Variants in AGBL1 observed in about 807,000 individuals in gnomAD.
The protein encoded by AGBL1 is AGBL carboxypeptidase 1, also known as cytosolic carboxypeptidase 4.
Under a neutral mutation model 118.9 loss-of-function variants are expected in AGBL1, and 130 were observed. The observed-to-expected ratio is 1.09, with a 90% CI of 0.95 to 1.26. AGBL1 has a LOEUF of 1.26. Ranked by LOEUF, AGBL1 falls within the 50% of genes most tolerant of loss-of-function variation. AGBL1 has a pLI of 0.00. For synonymous variants in AGBL1, 555 were observed against 478.9 expected (o/e 1.16, Z -2.08); for missense variants, 1,584 against 1,298.1 (o/e 1.22, Z -3.38).
intron 18 of AGBL1, among the ~76,000 whole-genome samples, chr15:86,428,137 C>A (rs1261608981): frequency 6.6e-6 from 1 of 152,142 alleles, no homozygotes; most frequent in Non-Finnish European, 1.5e-5. Flanking sequence ...TAAATAAACT[C>A]ACTAAAAGGA....
chr15:86,220,885 A>G (rs1163133114), intron 5 of AGBL1, among the ~76,000 whole-genome samples: 1 of 152,124 alleles, frequency 6.6e-6, no homozygotes, highest in South Asian at 2.1e-4. Context: ...CTAAGAAAAC[A>G]GTGCCCTCCC....
intron 17 of AGBL1, among the ~76,000 whole-genome samples, chr15:86,342,703 T>C (rs2080479533): frequency 6.6e-6 from 1 of 152,154 alleles, no homozygotes; most frequent in African/African-American, 2.4e-5. Flanking sequence ...AAATGAAGCT[T>C]CTCGGAGCTT....
chr15:86,705,319 C>T lies in AGBL1; in HGVS notation c.3158+30883C>T, dbSNP rs117251078. 1.7e-3 allele frequency among the ~76,000 whole-genome samples: 265 copies of T among 152,170 alleles called. 3 individuals are homozygous for T. In the East Asian group the frequency reaches 0.022, roughly 13 times the overall value. ...AAACAAAACAAAACAAAACAAAAAC[C>T]CTCTTTTTTAAATAAATTACCCAGT... is the stretch of plus-strand genomic sequence containing the variant. On this transcript the variant is annotated intron_variant, in intron 22 of 22. Transcript: ENST00000614907.
intron 18 of AGBL1, among the ~76,000 whole-genome samples, chr15:86,426,283 A>G (rs954161923): frequency 2.6e-5 from 4 of 152,234 alleles, no homozygotes; most frequent in African/African-American, 4.8e-5. Flanking sequence ...TGTATGATGT[A>G]CAAAAGGATT....
intron 21 of AGBL1, among the ~76,000 whole-genome samples, chr15:86,653,510 C>A (rs568740004): frequency 1.3e-5 from 2 of 152,174 alleles, no homozygotes; most frequent in African/African-American, 2.4e-5. Context: ...TGATGAGCAG[C>A]GCACAATCTA....
chr15:86,294,265 C>T (rs984099800), intron 16 of AGBL1, among the ~76,000 whole-genome samples: 1 of 151,444 alleles, frequency 6.6e-6, no homozygotes, highest in African/African-American at 2.4e-5. Context: ...TGGGTGTGGT[C>T]GTGGGTGCCT....
chr15:86,480,174 A>G (rs983737680), intron 18 of AGBL1, among the ~76,000 whole-genome samples: 2 of 152,162 alleles, frequency 1.3e-5, no homozygotes, highest in African/African-American at 4.8e-5. Context: ...AACATGGCAC[A>G]TGTAACAAAC....
At chr15:86,918,370 G>A (rs922971742), downstream of AGBL1, among the ~76,000 whole-genome samples, 5 of 152,140 alleles carry the variant, frequency 3.3e-5, no homozygotes, top group African/African-American at 9.7e-5. Flanking sequence ...TCCCCATGGT[G>A]TAACACCTCG....
At chr15:86,853,738 G>T (rs2079439582) in intron 22 of AGBL1, among the ~76,000 whole-genome samples, 2 of 152,146 alleles carry the variant, frequency 1.3e-5, no homozygotes, top group South Asian at 2.1e-4. Flanking sequence ...TAAAACATTT[G>T]TCACTCTCAA....
intron 6 of AGBL1, among the ~76,000 whole-genome samples, chr15:86,231,405 T>C (rs1399810392): frequency 6.6e-6 from 1 of 152,240 alleles, no homozygotes; most frequent in Non-Finnish European, 1.5e-5. Flanking sequence ...CTGATGTCTC[T>C]TCTTCCACCA....
intron 5 of AGBL1, among the ~76,000 whole-genome samples, chr15:86,206,165 A>G (rs1335888469): frequency 6.6e-6 from 1 of 152,286 alleles, no homozygotes; most frequent in Non-Finnish European, 1.5e-5. Flanking sequence ...ATGGCTGCAT[A>G]GTATTCCATA....
intron 1 of AGBL1, among the ~76,000 whole-genome samples, chr15:86,132,729 C>T (rs1363469305): frequency 6.6e-6 from 1 of 152,142 alleles, no homozygotes; most frequent in Non-Finnish European, 1.5e-5. Context: ...AGAGAGACCA[C>T]GAACGTGCCG....
intron 22 of AGBL1, among the ~76,000 whole-genome samples, chr15:86,802,450 C>A (rs1026914987): frequency 2.6e-5 from 4 of 152,208 alleles, no homozygotes; most frequent in Non-Finnish European, 5.9e-5. Flanking sequence ...CAAGTTCCAC[C>A]ATGCACCTGT....
chr15:86,185,513 C>T (rs1266360852), intron 5 of AGBL1, among the ~76,000 whole-genome samples: 1 of 152,238 alleles, frequency 6.6e-6, no homozygotes, highest in Non-Finnish European at 1.5e-5. Flanking sequence ...ACCCAAATGT[C>T]CATCAATGAT....
chr15:86,364,994 C>T (rs1296852372), intron 17 of AGBL1, among the ~76,000 whole-genome samples: 7,947 of 79,678 alleles, frequency 0.1, 690 homozygotes, highest in Non-Finnish European at 0.14. Context: ...TATATACACA[C>T]ACACATATAT....
At chr15:86,761,052 C>T (rs571583818) in intron 22 of AGBL1, among the ~76,000 whole-genome samples, 1 of 152,174 alleles carries the variant, frequency 6.6e-6, no homozygotes, top group Non-Finnish European at 1.5e-5. Flanking sequence ...CAAGAATATA[C>T]TTGTTGATGC....
At chr15:86,971,151 T>C (rs576249298) in intron 23 of AGBL1, among the ~76,000 whole-genome samples, 15 of 152,024 alleles carry the variant, frequency 9.9e-5, no homozygotes, top group Admixed American at 2.6e-4. Flanking sequence ...GAAGATCAAG[T>C]ACCCAAGATG....
rs536192921 is a variant in AGBL1 at position 86,453,144 on chromosome 15, G to A, written c.2555+55598G>A. 9.9e-5 allele frequency among the ~76,000 whole-genome samples: 15 copies of A among 152,262 alleles called. No homozygotes were observed. In the South Asian group the frequency reaches 3.1e-3, roughly 32 times the overall value. ...TGTCTTGTCTGCGACTCTATCCTCA[G>A]CTTCTAGAATATGCCTAGTACACAG... is the stretch of plus-strand genomic sequence containing the variant. On this transcript the variant is annotated intron_variant, in intron 18 of 22. Transcript: ENST00000614907.
intron 15 of AGBL1, among the ~76,000 whole-genome samples, chr15:86,275,252 C>T (rs369530130): frequency 9.9e-5 from 15 of 152,112 alleles, no homozygotes; most frequent in Admixed American, 5.9e-4. Flanking sequence ...CATTTATCTC[C>T]GCTCGTGAGA....
Sources: gnomAD v4.1 joint callset for allele counts (sites outside exome capture counted in the v4.1 genomes callset) on GRCh38, gnomAD v4.1.1 for gene constraint, MANE v1.5 for transcripts, NCBI Gene and HGNC (gene_info 2026-07-23, HGNC 2026-07-21) for gene names.